The following DIPK1B variants were observed in gnomAD, a reference collection of about 807,000 sequenced individuals.
The protein encoded by DIPK1B is family with sequence similarity 69 member B.
A neutral mutation model predicts 20.7 loss-of-function variants in DIPK1B; 17 were observed. The ratio of observed to expected loss-of-function variants is 0.82; its 90% CI spans 0.56 to 1.23. DIPK1B has a LOEUF of 1.23. Ranked by LOEUF, DIPK1B falls within the 50% of genes most tolerant of loss-of-function variation. The pLI, the probability that DIPK1B is intolerant of heterozygous loss-of-function variation, is 0.00. For missense variants in DIPK1B, 648 were observed against 601.8 expected (o/e 1.08, Z -0.80); for synonymous variants, 343 against 276.5 (o/e 1.24, Z -2.39).
rs369639056 is a variant in DIPK1B at position 136,723,405 on chromosome 9, C to T, written c.927C>T (p.Tyr309=). Residue 309 remains tyrosine (Y), a synonymous_variant, in exon 5 of 5, where the codon TAC becomes TAT. Coordinates refer to ENST00000371692, the MANE Select transcript of DIPK1B (RefSeq NM_152421.4). Reference sequence around the variant, plus strand: ...CCAACGTGGGCTACACAGCCACCTACGACTTCAAGATGGCCGACCTGCAGC... The same window carrying T: ...CCAACGTGGGCTACACAGCCACCTATGACTTCAAGATGGCCGACCTGCAGC... The part of the protein sequence containing the change: ...TLANVGYTAT[Y]DFKMADLQQV... The T allele has an allele frequency of 3.5e-5, 56 of 1,612,854 alleles. No homozygotes were observed. Among genetic ancestry groups the T allele is most frequent in the South Asian group, 5.5e-5 (5 of 91,086 alleles).
chr9:136,722,263 A>C lies in DIPK1B; in HGVS notation c.445A>C (p.Ile149Leu). The C allele has an allele frequency of 6.2e-7, 1 of 1,613,778 alleles. No individual in the cohort carries two copies. Among genetic ancestry groups the C allele is most frequent in the East Asian group, 2.2e-5 (1 of 44,886 alleles). ...TGACAAGCCCACCCGGGGCACCTCCATCAAGGAATTCCGGGAGATGACCCT... is the reference window on the plus strand; with the variant it reads ...TGACAAGCCCACCCGGGGCACCTCCCTCAAGGAATTCCGGGAGATGACCCT... ...LFDKPTRGTS[I>L]KEFREMTLSF... is the part of the protein sequence containing the mutation. The change falls in exon 4 of 5, where the codon ATC becomes CTC. Residue 149 changes from isoleucine to leucine, a missense_variant. Coordinates refer to ENST00000371692, the MANE Select transcript of DIPK1B (RefSeq NM_152421.4).
Position 136,722,258 on chromosome 9 carries a change from C to T in DIPK1B, c.440C>T (p.Thr147Ile). 2 of 1,613,856 alleles carry T rather than the reference C, an allele frequency of 1.2e-6. No homozygotes were observed. Among genetic ancestry groups the T allele is most frequent in the Middle Eastern group, 1.7e-4 (1 of 6,054 alleles). The change falls in exon 4 of 5, where the codon ACC (threonine) becomes ATC (isoleucine). Residue 147 changes from threonine (T) to isoleucine (I), a missense_variant. Physicochemically the swap from Thr to Ile is moderately conservative, Grantham distance 89. Transcript: ENST00000371692. ...CTGTTTGACAAGCCCACCCGGGGCA[C>T]CTCCATCAAGGAATTCCGGGAGATG... ...LVLFDKPTRGTSIKEFREMTL... is the reference protein window; with the variant it reads ...LVLFDKPTRGISIKEFREMTL...
chr9:136,721,603 T>C lies in DIPK1B; in HGVS notation c.199-318T>C, dbSNP rs1846602315. The C allele has an allele frequency of 4.0e-5, 13 of 328,774 alleles. No homozygotes were observed. The South Asian group carries it at 4.8e-4, about 12-fold the overall frequency. 20.4% of individuals were successfully genotyped at this position (328,774 alleles called of 1,614,324 possible). A position where few individuals can be genotyped will look rare whatever the true frequency, so the allele number is the denominator to read the frequency against. ...GCCTCCAGGTTCCTGCCTCTGGCCC[T>C]GGCGTGGGGTCGACACTGGGTGTGG... On this transcript the variant is annotated intron_variant, in intron 2 of 4. Coordinates refer to ENST00000371692, the MANE Select transcript of DIPK1B (RefSeq NM_152421.4).
chr9:136,717,437 C>T (rs893833327), intron 1 of DIPK1B, 140 bp from the exon 2 acceptor site: 3 of 928,508 alleles, frequency 3.2e-6, no homozygotes, highest in South Asian at 3.3e-5. Context: ...TTCTAGAAGA[C>T]GGGGGTGCCA....
Position 136,721,444 on chromosome 9 carries a change from G to A in DIPK1B, c.199-477G>A, listed in dbSNP as rs142014514. ...TGCATCCTCCCTCCTGGCGTCACCC[G>A]AGGCAGGAATGAAGAGTCAGGCAGA... On this transcript the variant is annotated intron_variant, in intron 2 of 4. Transcript: ENST00000371692. The A allele has an allele frequency of 2.0e-3, 322 of 162,960 alleles. 2 individuals carry two copies. The highest frequency in any genetic ancestry group is 7.3e-3 in the African/African-American group (304 of 41,726). 10.1% of individuals were successfully genotyped at this position (162,960 alleles called of 1,614,324 possible).
chr9:136,713,057 T>C (rs1430413257), intron 1 of DIPK1B, among the ~76,000 whole-genome samples: 1 of 152,194 alleles, frequency 6.6e-6, no homozygotes, highest in Non-Finnish European at 1.5e-5. Flanking sequence ...AGGTGTGTTA[T>C]TCTGCGGTAG....
chr9:136,718,130 GTC>G (rs1335103799), intron 2 of DIPK1B, among the ~76,000 whole-genome samples: 13 of 28,104 alleles, frequency 4.6e-4, no homozygotes, highest in South Asian at 9.6e-4. Context: ...GGCCTCACTG[GTC>G]CAGGATAGCG....
intron 2 of DIPK1B, chr9:136,721,713 G>A: frequency 3.5e-6 from 2 of 577,022 alleles, no homozygotes; most frequent in Non-Finnish European, 6.2e-6. Flanking sequence ...CGGACCGGAG[G>A]GTTGGCGGGG....
intron 2 of DIPK1B, among the ~76,000 whole-genome samples, chr9:136,719,501 C>G (rs1846556576): frequency 6.6e-6 from 1 of 152,228 alleles, no homozygotes; most frequent in African/African-American, 2.4e-5. Context: ...AGTGCAGGGC[C>G]AGTCCCAGCT....
In DIPK1B at chr9:136,721,977, G is replaced by A. The variant is rs1302862840; in HGVS notation, c.255G>A (p.Glu85=). ...GCTCCGTCTGCCAGGACCTGTGTGA[G>A]CTGCATATGGTGGAGTGGAGGACCT... The part of the protein sequence containing the change: ...ISGSVCQDLC[E]LHMVEWRTCL... The change falls in exon 3 of 5, where the codon GAG becomes GAA. Residue 85 remains glutamate (E), a synonymous_variant. Transcript: ENST00000371692. The A allele has an allele frequency of 1.2e-5, 20 of 1,613,668 alleles. No individual in the cohort carries two copies. In the East Asian group the frequency reaches 3.8e-4, roughly 31 times the overall value.
chr9:136,722,847 A>C, intron 4 of DIPK1B, 115 bp from the exon 5 acceptor site: 2 of 1,061,206 alleles, frequency 1.9e-6, no homozygotes, highest in Non-Finnish European at 2.7e-6. Context: ...CTAACCTGGC[A>C]GATGTGCTGG....
chr9:136,719,031 ATGGGGCTCGTCC>A (rs1236276162), intron 2 of DIPK1B, among the ~76,000 whole-genome samples: 8 of 151,848 alleles, frequency 5.3e-5, no homozygotes, highest in Non-Finnish European at 1.2e-4. Context: ...AGGGTGGCAC[ATGGGGCTCGTCC>A]TGGGGCCATG....
At chr9:136,721,840 C>A in intron 2 of DIPK1B, 81 bp from the exon 3 acceptor site, 2 of 1,307,808 alleles carry the variant, frequency 1.5e-6, no homozygotes, top group South Asian at 1.2e-5. Flanking sequence ...AGGCCCCTGC[C>A]AGCTTCGGGC....
At position 136,722,042 on chromosome 9, in the gene DIPK1B, C is replaced by CA. The variant is rs1564310296; in HGVS notation, c.306+15dup. ...CCGGGCCAGCAGGTATAGCCACTGG[C>CA]AGGGCGGGTGGGCCTGGGGCTGATA... On this transcript the variant is annotated intron_variant, in intron 3 of 4. Transcript: ENST00000371692. 1 of 1,613,174 alleles carries CA rather than the reference C, an allele frequency of 6.2e-7. No homozygotes were observed. Among genetic ancestry groups the CA allele is most frequent in the Admixed American group, 1.7e-5 (1 of 60,006 alleles).
chr9:136,722,565 C>G, intron 4 of DIPK1B: 1 of 578,670 alleles, frequency 1.7e-6, no homozygotes, highest in Non-Finnish European at 3.1e-6. Context: ...GTGTGTCCAG[C>G]AGGGCAGGTG....
chr9:136,722,374 CCAA>C lies in DIPK1B; in HGVS notation c.483+76_483+78del, dbSNP rs1044741411. The C allele has an allele frequency of 2.3e-5, 34 of 1,497,182 alleles. No individual in the cohort carries two copies. In the African/African-American group the frequency reaches 3.0e-4, roughly 13 times the overall value. The allele number at this position is 1,497,182 out of a possible 1,614,324, so 92.7% of individuals were successfully genotyped here. ...ATATGCCCAGCAGGCGGCCCTGGCA[CCAA>C]CATGCCCAGCGCAAAGGCACAGATG... is the stretch of plus-strand genomic sequence containing the variant. On this transcript the variant is annotated intron_variant, in intron 4 of 4. Coordinates refer to ENST00000371692, the MANE Select transcript of DIPK1B (RefSeq NM_152421.4).
chr9:136,723,873 T>C lies in DIPK1B; in HGVS notation c.*99T>C. The C allele has an allele frequency of 8.0e-7, 1 of 1,248,582 alleles. No individual in the cohort carries two copies. The allele number at this position is 1,248,582 out of a possible 1,614,324, so 77.3% of individuals were successfully genotyped here. ...CCTGTCAGAAGATGTGAAATGCAAC[T>C]GTGTTGCAAAATCACTCCCCTACCG... is the stretch of plus-strand genomic sequence containing the variant. On this transcript the variant is annotated 3_prime_UTR_variant, in exon 5 of 5. Coordinates refer to ENST00000371692, the MANE Select transcript of DIPK1B (RefSeq NM_152421.4).
At chr9:136,721,456 AAG>A (rs1381815824) in intron 2 of DIPK1B, 1 of 165,326 alleles carries the variant, frequency 6.0e-6, no homozygotes, top group Non-Finnish European at 1.3e-5. Context: ...GGCAGGAATG[AAG>A]AGTCAGGCAG....
At chr9:136,718,410 C>T (rs752514537) in intron 2 of DIPK1B, among the ~76,000 whole-genome samples, 4 of 152,134 alleles carry the variant, frequency 2.6e-5, no homozygotes, top group Middle Eastern at 3.2e-3. Flanking sequence ...AGTCCCCTGG[C>T]GTATGTGAGC....
Sources: gnomAD v4.1 joint callset for allele counts (sites outside exome capture counted in the v4.1 genomes callset) on GRCh38, gnomAD v4.1.1 for gene constraint, MANE v1.5 for transcripts, NCBI Gene and HGNC (gene_info 2026-07-23, HGNC 2026-07-21) for gene names.